PDGFA: variants seen among roughly 807,000 people sequenced by gnomAD.
PDGFA encodes the protein platelet-derived growth factor subunit A.
In PDGFA, 9 loss-of-function variants were observed where a neutral mutation model predicts 25.6. The observed-to-expected ratio is 0.35, with a 90% CI of 0.21 to 0.61. PDGFA has a LOEUF of 0.61. Ranked by LOEUF, PDGFA falls within the 20% of genes least tolerant of loss-of-function variation. PDGFA has a pLI of 0.75. For missense variants in PDGFA, 242 were observed against 272.8 expected (o/e 0.89, Z 0.79); for synonymous variants, 133 against 111.8 (o/e 1.19, Z -1.20).
intron 4 of PDGFA, among the ~76,000 whole-genome samples, chr7:506,356 G>C (rs1224157394): frequency 1.3e-5 from 2 of 151,938 alleles, no homozygotes; most frequent in East Asian, 3.9e-4. Context: ...GCAATGCCCA[G>C]ACCTCAAGCT....
intron 5 of PDGFA, among the ~76,000 whole-genome samples, chr7:499,560 A>T (rs989518931): frequency 1.3e-5 from 2 of 152,194 alleles, no homozygotes; most frequent in African/African-American, 4.8e-5. Context: ...CTCCGTGATG[A>T]TGGCGGCTGC....
intron 2 of PDGFA, among the ~76,000 whole-genome samples, chr7:514,200 C>T (rs992138727): frequency 3.9e-5 from 6 of 152,164 alleles, no homozygotes; most frequent in African/African-American, 1.2e-4. Flanking sequence ...TCTTCACATC[C>T]GAGGAAACTG....
chr7:503,541 A>C (rs1191813912), intron 4 of PDGFA, among the ~76,000 whole-genome samples: 1 of 152,076 alleles, frequency 6.6e-6, no homozygotes, highest in Non-Finnish European at 1.5e-5. Context: ...GAGGAGGGGA[A>C]TGTTTCCCAA....
intron 4 of PDGFA, among the ~76,000 whole-genome samples, chr7:503,170 C>T (rs746875597): frequency 2.0e-5 from 3 of 152,264 alleles, no homozygotes; most frequent in Non-Finnish European, 4.4e-5. Flanking sequence ...TAAGCCTGTC[C>T]CTAATTGCTA....
At chr7:509,551 C>T (rs1037027739) in intron 4 of PDGFA, among the ~76,000 whole-genome samples, 3 of 152,082 alleles carry the variant, frequency 2.0e-5, no homozygotes, top group African/African-American at 4.8e-5. Flanking sequence ...CAGCCTTCCA[C>T]GGTGGCTGGG....
intron 4 of PDGFA, among the ~76,000 whole-genome samples, chr7:507,923 G>C (rs1301014106): frequency 2.0e-5 from 3 of 152,114 alleles, no homozygotes; most frequent in African/African-American, 7.2e-5. Flanking sequence ...GGACAGAAGA[G>C]TGCCGCAGAC....
rs1337363934 is a variant in PDGFA at position 510,695 on chromosome 7, C to T, written c.453+114G>A. 567 of 461,046 alleles carry T rather than the reference C, an allele frequency of 1.2e-3. 16 individuals carry two copies. The African/African-American group carries it at 0.017, about 14-fold the overall frequency. The allele number at this position is 461,046 out of a possible 1,614,324, so 28.6% of individuals were successfully genotyped here. A position where few individuals can be genotyped will look rare whatever the true frequency, so the allele number is the denominator to read the frequency against. On this transcript the variant is annotated intron_variant, in intron 4 of 5. Transcript: ENST00000402802. ...CCTGGCTGCTTGGTAGGGGCGGCCCCGGGCTTGGGTGGGGAGGGGAGGGGA... is the reference window on the plus strand; with the variant it reads ...CCTGGCTGCTTGGTAGGGGCGGCCCTGGGCTTGGGTGGGGAGGGGAGGGGA...
At chr7:520,078 G>A, upstream of PDGFA, 1 of 395,522 alleles carries the variant, frequency 2.5e-6, no homozygotes, top group Admixed American at 2.9e-5. Context: ...GCCCGGCTCC[G>A]CGCCGGGGCT....
intron 4 of PDGFA, among the ~76,000 whole-genome samples, chr7:507,024 G>A (rs1191142947): frequency 6.6e-6 from 1 of 152,188 alleles, no homozygotes; most frequent in Non-Finnish European, 1.5e-5. Context: ...CCACTCACAG[G>A]CACAGAGTCT....
intron 2 of PDGFA, among the ~76,000 whole-genome samples, chr7:516,163 T>A (rs1356453941): frequency 2.3e-5 from 3 of 131,754 alleles, no homozygotes; most frequent in African/African-American, 8.9e-5. Context: ...CCGGTCAAAA[T>A]CCCCCCGCCC....
chr7:505,288 G>A (rs368518744), intron 4 of PDGFA, among the ~76,000 whole-genome samples: 6 of 152,204 alleles, frequency 3.9e-5, no homozygotes, highest in African/African-American at 9.6e-5. Flanking sequence ...CCCTTTTTCC[G>A]TCCCAGAGAT....
Position 500,952 on chromosome 7 carries a change from C to A in PDGFA, c.580+164G>T, listed in dbSNP as rs781024760. The A allele has an allele frequency of 2.2e-4, 347 of 1,594,868 alleles. No individual in the cohort carries two copies. The highest frequency in any genetic ancestry group is 2.9e-4 in the Non-Finnish European group (343 of 1,177,674). The stretch of plus-strand genomic sequence containing the variant: ...ACACCTGCAGGTGTGGGATCCGTCT[C>A]CCCCGCAGGCATCTGGCCCGGGAGC... On this transcript the variant is annotated intron_variant, in intron 5 of 5. Coordinates refer to ENST00000402802, the Ensembl canonical transcript of PDGFA. This position sits in a 1 kb window ranked among gnomAD's most constrained non-coding sequence, Gnocchi z 5.0.
At chr7:506,093 C>A (rs2058022712) in intron 4 of PDGFA, among the ~76,000 whole-genome samples, 1 of 148,874 alleles carries the variant, frequency 6.7e-6, no homozygotes, top group Non-Finnish European at 1.5e-5. Flanking sequence ...GAAGAATTGC[C>A]TGAACCCGGG....
intron 2 of PDGFA, among the ~76,000 whole-genome samples, chr7:514,516 C>A (rs1364999831): frequency 6.6e-6 from 1 of 152,190 alleles, no homozygotes; most frequent in African/African-American, 2.4e-5. Flanking sequence ...CTGAGCAGCC[C>A]AGGCCCAGGT....
At chr7:508,559 C>CAAAAAAAAAAAAAAAAAAAAA (rs766165770) in intron 4 of PDGFA, among the ~76,000 whole-genome samples, 2 of 35,664 alleles carry the variant, frequency 5.6e-5, no homozygotes, top group African/African-American at 1.1e-4. Flanking sequence ...GAAGCTGTCC[C>CAAAAAAAAAAAAAAAAAAAAA]AAAAAAAAAA....
At chr7:519,112 C>G in exon 1 of PDGFA, 3 of 750,526 alleles carry the variant, frequency 4.0e-6, no homozygotes, top group Non-Finnish European at 6.1e-6. Context: ...GAGCGCGGCC[C>G]GGAGGAGGGT....
chr7:503,395 G>GGAGGCCGGGTCACCCCCT (rs1782432975), intron 4 of PDGFA, among the ~76,000 whole-genome samples: 1 of 152,290 alleles, frequency 6.6e-6, no homozygotes, highest in Non-Finnish European at 1.5e-5. Flanking sequence ...GAAAGGAAAC[G>GGAGGCCGGGTCACCCCCT]GAGGCCGGGT....
In PDGFA at chr7:512,749, G is replaced by T. The variant is rs1782919575; in HGVS notation, c.161-294C>A. 3 of 1,064,562 alleles carry T rather than the reference G, an allele frequency of 2.8e-6. No homozygotes were observed. In the Admixed American group the frequency reaches 9.8e-5, roughly 35 times the overall value. 65.9% of individuals were successfully genotyped at this position (1,064,562 alleles called of 1,614,324 possible). A position where few individuals can be genotyped will look rare whatever the true frequency, so the allele number is the denominator to read the frequency against. ...GAAGCGCAGGGCCCTTCGGGGAAGA[G>T]GTTGCAGGTGGTCTCCCCTACGGTG... On this transcript the variant is annotated intron_variant, in intron 2 of 5. Coordinates refer to ENST00000402802, the Ensembl canonical transcript of PDGFA.
exon 6 of PDGFA, chr7:497,640 G>C (rs573746431): frequency 6.6e-6 from 1 of 152,156 alleles, no homozygotes; most frequent in African/African-American, 2.4e-5. Flanking sequence ...GACGGCGTAC[G>C]ATTGGTTGAC....
Sources: gnomAD v4.1 joint callset for allele counts (sites outside exome capture counted in the v4.1 genomes callset) on GRCh38, gnomAD v4.1.1 for gene constraint, Gnocchi (gnomAD v3.1) non-coding constraint, MANE v1.5 for transcripts, NCBI Gene and HGNC (gene_info 2026-07-23, HGNC 2026-07-21) for gene names.